Variants in ANO9 observed in about 807,000 individuals in gnomAD.
ANO9 encodes the protein anoctamin 9, also known as anoctamin-9.
ANO9 carries 80 observed loss-of-function variants against 100.5 expected under a neutral mutation model. The observed-to-expected ratio is 0.80, with a 90% CI of 0.66 to 0.96. ANO9 has a LOEUF of 0.96. Among genes scored for constraint, ANO9 ranks in the 40% least tolerant of loss-of-function variants. ANO9 has a pLI of 0.00. For missense variants in ANO9, 1,064 were observed against 1,072.7 expected (o/e 0.99, Z 0.11); for synonymous variants, 473 against 435.6 (o/e 1.09, Z -1.07).
Position 437,866 on chromosome 11 carries a change from T to C in ANO9, c.7-3768A>G, listed in dbSNP as rs370706446. 7.9e-5 allele frequency among the ~76,000 whole-genome samples: 12 copies of C among 152,298 alleles called. No homozygotes were observed. In the East Asian group the frequency reaches 2.1e-3, roughly 27 times the overall value. ...CTCCTCTGCCCAGAACCCCAGCTCC[T>C]CTGGCAGAGGCTGAAATTAGAGACC... On this transcript the variant is annotated intron_variant, in intron 1 of 22. Transcript: ENST00000332826.
chr11:431,884 C>T lies in ANO9; in HGVS notation c.429G>A (p.Lys143=), dbSNP rs777394657. The part of the protein sequence containing the change: ...SAGETFEDLM[K]DGVFEARFPL... The stretch of plus-strand genomic sequence containing the variant: ...GGAACCTGGCCTCAAAGACCCCGTC[C>T]TTCATCAGATCCTCGAAGGTCTCTG... Residue 143 remains lysine, a synonymous_variant, in exon 6 of 23, where the codon AAG becomes AAA. Transcript: ENST00000332826. 2.5e-6 allele frequency: 4 copies of T among 1,610,798 alleles called. No homozygotes were observed. Among genetic ancestry groups the T allele is most frequent in the Non-Finnish European group, 3.4e-6 (4 of 1,178,160 alleles).
In ANO9 at chr11:421,049, G is replaced by T; in HGVS notation, c.1393-7C>A. The T allele has an allele frequency of 6.2e-7, 1 of 1,600,054 alleles. No homozygotes were observed. The highest frequency in any genetic ancestry group is 8.5e-7 in the Non-Finnish European group (1 of 1,170,054). ...TGCAGCCGCTGGCGTGGCACTGCGGGGCCAGACAGGAGGAGATCAGGGAGG... is the reference window on the plus strand; with the variant it reads ...TGCAGCCGCTGGCGTGGCACTGCGGTGCCAGACAGGAGGAGATCAGGGAGG... On this transcript the variant is annotated splice_region_variant and splice_polypyrimidine_tract_variant and intron_variant, in intron 16 of 22. Transcript: ENST00000332826. The surrounding 1 kb of genome is among the most constrained non-coding windows in gnomAD (Gnocchi z 6.8).
chr11:418,747 G>C lies in ANO9; in HGVS notation c.2103C>G (p.Ile701Met), dbSNP rs1192318060. The change falls in exon 22 of 23, where the codon ATC becomes ATG. Residue 701 changes from isoleucine to methionine, a missense_variant. Ile to Met is a conservative substitution (Grantham distance 10). Coordinates refer to ENST00000332826, the MANE Select transcript of ANO9 (RefSeq NM_001012302.3). ...CAAAGAGGATGACGAAGGCCAGGCG[G>C]ATGGCCAGGAGGAACCAGAACTGCT... ...FSEQFWFLLA[I>M]RLAFVILFEH... The C allele has an allele frequency of 1.2e-6, 2 of 1,613,068 alleles. No individual in the cohort carries two copies. The highest frequency in any genetic ancestry group is 2.7e-5 in the African/African-American group (2 of 75,058).
At chr11:423,664 C>T (rs555748354) in intron 15 of ANO9, among the ~76,000 whole-genome samples, 6 of 152,060 alleles carry the variant, frequency 3.9e-5, no homozygotes, top group East Asian at 3.9e-4. Context: ...CAAACCACCA[C>T]GCCCAACTAA....
rs887833056 is a variant in ANO9 at position 420,719 on chromosome 11, C to A, written c.1632G>T (p.Met544Ile). ...TFSLFDEFME[M>I]MIQYGFTTIF... Reference sequence around the variant, plus strand: ...CCCCGCCCCGCAGCGCCCACGCACTCATCTCCATGAACTCGTCGAACAGGC... The same window carrying A: ...CCCCGCCCCGCAGCGCCCACGCACTAATCTCCATGAACTCGTCGAACAGGC... The change falls in exon 18 of 23, where the codon ATG becomes ATT. Residue 544 changes from methionine (M) to isoleucine (I), a missense_variant and splice_region_variant. Transcript: ENST00000332826. The A allele has an allele frequency of 6.2e-7, 1 of 1,607,654 alleles. No individual in the cohort carries two copies. The highest frequency in any genetic ancestry group is 8.5e-7 in the Non-Finnish European group (1 of 1,177,944).
chr11:420,214 G>A (rs1848086883), intron 19 of ANO9: 2 of 1,410,594 alleles, frequency 1.4e-6, no homozygotes, highest in Non-Finnish European at 1.8e-6. Context: ...TCCCCCTTGG[G>A]GGCGTCAAGC....
At chr11:439,478 G>A (rs2133722899) in intron 1 of ANO9, among the ~76,000 whole-genome samples, 1 of 135,804 alleles carries the variant, frequency 7.4e-6, no homozygotes, top group East Asian at 2.7e-4. Flanking sequence ...GGCCTGGCCA[G>A]GGGGTCCCAT....
chr11:434,113 G>A lies in ANO9; in HGVS notation c.7-15C>T. 1.3e-6 allele frequency: 2 copies of A among 1,549,778 alleles called. No individual in the cohort carries two copies. The highest frequency in any genetic ancestry group is 1.7e-6 in the Non-Finnish European group (2 of 1,146,902). ...CTCTCTTCGCCCTGGGGGTTTGGGG[G>A]CAGAGAAAGGGATAGGAGGATGTGA... On this transcript the variant is annotated splice_polypyrimidine_tract_variant and intron_variant, in intron 1 of 22. Coordinates refer to ENST00000332826, the MANE Select transcript of ANO9 (RefSeq NM_001012302.3).
In ANO9 at chr11:434,042, C is replaced by T. The variant is rs1224737550; in HGVS notation, c.63G>A (p.Met21Ile). Residue 21 changes from methionine (M) to isoleucine (I), a missense_variant, in exon 2 of 23, where the codon ATG becomes ATA. By Grantham distance (10) the Met-to-Ile change is conservative (BLOSUM62 1). Coordinates refer to ENST00000332826, the MANE Select transcript of ANO9 (RefSeq NM_001012302.3). ...CACCCACCTCACAGGTGCTGATCTC[C>T]ATCAGCGGGAAGCTGTCCCCTTCGG... ...VEPEGDSFPL[M>I]EISTCETEAS... 3 of 1,551,098 alleles carry T rather than the reference C, an allele frequency of 1.9e-6. No homozygotes were observed. Among genetic ancestry groups the T allele is most frequent in the Admixed American group, 3.9e-5 (2 of 51,090 alleles).
intron 1 of ANO9, among the ~76,000 whole-genome samples, chr11:441,265 C>A (rs1234621435): frequency 2.6e-5 from 4 of 152,130 alleles, no homozygotes; most frequent in African/African-American, 9.7e-5. Context: ...TGGCCCTGGC[C>A]CCAGGTGACC....
At chr11:419,014 G>A (rs376702614) in intron 20 of ANO9, 25 bp from the exon 21 acceptor site, 39 of 1,612,200 alleles carry the variant, frequency 2.4e-5, no homozygotes, top group Non-Finnish European at 3.1e-5. Context: ...GAGGAGTGTG[G>A]GGTGGGGTGG....
At chr11:425,890 G>A (rs1000271510) in intron 15 of ANO9, among the ~76,000 whole-genome samples, 4 of 140,138 alleles carry the variant, frequency 2.9e-5, no homozygotes, top group South Asian at 2.6e-4. Context: ...CACCACGCCC[G>A]GCTAATTTTT....
At position 433,477 on chromosome 11, in the gene ANO9, C is replaced by T. The variant is rs1170265962; in HGVS notation, c.205-18G>A. On this transcript the variant is annotated intron_variant, in intron 3 of 22. Coordinates refer to ENST00000332826, the MANE Select transcript of ANO9 (RefSeq NM_001012302.3). ...CGGATCACCTGGGGGCACATGGGAT[C>T]CTCTATCCCACCTCAGAACCCTCCC... The T allele has an allele frequency of 6.2e-7, 1 of 1,610,954 alleles. No individual in the cohort carries two copies. The highest frequency in any genetic ancestry group is 8.5e-7 in the Non-Finnish European group (1 of 1,178,964).
In ANO9 at chr11:419,770, C is replaced by T. The variant is rs776705846; in HGVS notation, c.1787-41G>A. 3.1e-6 allele frequency: 5 copies of T among 1,602,670 alleles called. No individual in the cohort carries two copies. The African/African-American group carries it at 4.0e-5, about 13-fold the overall frequency. On this transcript the variant is annotated intron_variant, in intron 19 of 22. Coordinates refer to ENST00000332826, the MANE Select transcript of ANO9 (RefSeq NM_001012302.3). ...GGGCAAGCGGTCTGACTCAGCGTCC[C>T]TCGGCTGGTTCTGCCCTCACCCCCA...
chr11:423,988 A>G (rs1435435918), intron 15 of ANO9, among the ~76,000 whole-genome samples: 3 of 150,992 alleles, frequency 2.0e-5, no homozygotes, highest in African/African-American at 7.3e-5. Flanking sequence ...AGTTCACTGC[A>G]ACCTCTGCCT....
chr11:422,047 C>T lies in ANO9; in HGVS notation c.1335-849G>A, dbSNP rs987618313. On this transcript the variant is annotated intron_variant, in intron 15 of 22. Transcript: ENST00000332826. The surrounding 1 kb of genome is among the most constrained non-coding windows in gnomAD (Gnocchi z 4.3). ...CCTGGGTGGATAAATCAATCGAGTG[C>T]TCAAGTGGATACAAAACGAGCATCC... is the stretch of plus-strand genomic sequence containing the variant. Among the ~76,000 whole-genome samples, 1 of 152,210 alleles carries T rather than the reference C, an allele frequency of 6.6e-6. No homozygotes were observed. Among genetic ancestry groups the T allele is most frequent in the African/African-American group, 2.4e-5 (1 of 41,444 alleles).
At position 420,570 on chromosome 11, in the gene ANO9, A is replaced by G. The variant is rs1452011119; in HGVS notation, c.1679T>C (p.Leu560Pro). Residue 560 changes from leucine (L) to proline (P), a missense_variant, in exon 19 of 23, where the codon CTG becomes CCG. Physicochemically the swap from Leu to Pro is moderately conservative, Grantham distance 98. Coordinates refer to ENST00000332826, the MANE Select transcript of ANO9 (RefSeq NM_001012302.3). ...FTTIFVAAFPLAPLLALFSNL... is the reference protein window; with the variant it reads ...FTTIFVAAFPPAPLLALFSNL... The stretch of plus-strand genomic sequence containing the variant: ...GCTGAAGAGCGCGAGCAGCGGCGCC[A>G]GCGGGAAGGCGGCCACGAAGATGGT... 3.1e-5 allele frequency: 50 copies of G among 1,605,510 alleles called. 1 individual carries two copies. In the East Asian group the frequency reaches 1.1e-3, roughly 35 times the overall value.
chr11:419,594 T>A lies in ANO9; in HGVS notation c.1922A>T (p.Asn641Ile), dbSNP rs746447871. ...CCTGAGGCCTTACTCGACAGTAGAG[T>A]TGCCTTCTTTCAGGCATGGGCTATA... is the stretch of plus-strand genomic sequence containing the variant. ...YRYSPCLKEG[N>I]STVDCLKGYV... The change falls in exon 20 of 23, where the codon AAC becomes ATC. Residue 641 changes from asparagine to isoleucine, a missense_variant. Asn to Ile is a moderately radical substitution (Grantham distance 149, BLOSUM62 -3). Transcript: ENST00000332826. 1 of 1,613,218 alleles carries A rather than the reference T, an allele frequency of 6.2e-7. No homozygotes were observed. The highest frequency in any genetic ancestry group is 1.1e-5 in the South Asian group (1 of 91,066).
At position 422,702 on chromosome 11, in the gene ANO9, G is replaced by A. The variant is rs1848264823; in HGVS notation, c.1335-1504C>T. On this transcript the variant is annotated intron_variant, in intron 15 of 22. Coordinates refer to ENST00000332826, the MANE Select transcript of ANO9 (RefSeq NM_001012302.3). The surrounding 1 kb of genome is among the most constrained non-coding windows in gnomAD (Gnocchi z 4.3). Reference sequence around the variant, plus strand: ...ACCCAGTGGGACTCATCTAGGACTTGTGGCCTGCAGAACTGGGAGGTAATA... The same window carrying A: ...ACCCAGTGGGACTCATCTAGGACTTATGGCCTGCAGAACTGGGAGGTAATA... Among the ~76,000 whole-genome samples the A allele has an allele frequency of 6.6e-6, 1 of 152,222 alleles. No homozygotes were observed. The highest frequency in any genetic ancestry group is 6.5e-5 in the Admixed American group (1 of 15,280).
Sources: gnomAD v4.1 joint callset for allele counts (sites outside exome capture counted in the v4.1 genomes callset) on GRCh38, gnomAD v4.1.1 for gene constraint, Gnocchi (gnomAD v3.1) non-coding constraint, MANE v1.5 for transcripts, NCBI Gene and HGNC (gene_info 2026-07-23, HGNC 2026-07-21) for gene names.